The following XPR1 variants were observed in gnomAD, a reference collection of about 807,000 sequenced individuals.
XPR1 encodes the protein solute carrier family 53 member 1.
A neutral mutation model predicts 87.5 loss-of-function variants in XPR1; 28 were observed. The ratio of observed to expected loss-of-function variants is 0.32; its 90% CI spans 0.24 to 0.44. The LOEUF is 0.44. XPR1 is among the 20% of genes least tolerant of loss of function. XPR1 has a pLI of 1.00. For synonymous variants in XPR1, 300 were observed against 306.1 expected, an observed-to-expected ratio of 0.98 and a Z score of 0.21; for missense variants, 559 against 862.3, an observed-to-expected ratio of 0.65 and a Z score of 4.41.
intron 3 of XPR1, among the ~76,000 whole-genome samples, chr1:180,793,970 A>G (rs978136044): frequency 1.3e-5 from 2 of 152,148 alleles, no homozygotes; most frequent in East Asian, 3.8e-4. Context: ...TCCAAATGGC[A>G]TCTTCACAAA....
At chr1:180,883,830 C>A (rs1284079010) in intron 14 of XPR1, among the ~76,000 whole-genome samples, 176 bp from the exon 15 acceptor site, 1 of 151,934 alleles carries the variant, frequency 6.6e-6, no homozygotes, top group Admixed American at 6.6e-5. Context: ...TAGTGTTTTT[C>A]CAATAGTATC....
chr1:180,737,708 T>C (rs1419651632), intron 2 of XPR1, among the ~76,000 whole-genome samples: 1 of 152,242 alleles, frequency 6.6e-6, no homozygotes, highest in Non-Finnish European at 1.5e-5. Flanking sequence ...AATAATACAG[T>C]ATGTAATGTT....
At chr1:180,648,344 GTC>G (rs1463893506) in intron 1 of XPR1, among the ~76,000 whole-genome samples, 1 of 152,204 alleles carries the variant, frequency 6.6e-6, no homozygotes, top group African/African-American at 2.4e-5. Context: ...CTATGTGAGA[GTC>G]TCTCATTTCT....
Position 180,826,899 on chromosome 1 carries a change from G to A in XPR1, c.1134+1555G>A, listed in dbSNP as rs139216013. 5.3e-5 allele frequency among the ~76,000 whole-genome samples: 8 copies of A among 151,658 alleles called. No homozygotes were observed. The East Asian group carries it at 7.8e-4, about 15-fold the overall frequency. ...CCAGGTGCAGTGGCTCACGCCTGTC[G>A]TCCCAGCACTTTGGGAGGCCGAGGT... On this transcript the variant is annotated intron_variant, in intron 9 of 14. Coordinates refer to ENST00000367590, the MANE Select transcript of XPR1 (RefSeq NM_004736.4).
chr1:180,874,682 C>G (rs936946731), intron 13 of XPR1, among the ~76,000 whole-genome samples: 5 of 151,692 alleles, frequency 3.3e-5, no homozygotes, highest in Admixed American at 6.6e-5. Context: ...AAGAGCAAAA[C>G]TCCGTCTCAA....
intron 3 of XPR1, among the ~76,000 whole-genome samples, chr1:180,798,602 G>T (rs1233749991): frequency 6.6e-6 from 1 of 151,942 alleles, no homozygotes; most frequent in Non-Finnish European, 1.5e-5. Flanking sequence ...TTTATTAATT[G>T]CTGTAGGGTT....
At chr1:180,686,841 A>C (rs896277538) in intron 2 of XPR1, among the ~76,000 whole-genome samples, 2 of 152,168 alleles carry the variant, frequency 1.3e-5, no homozygotes, top group African/African-American at 4.8e-5. Context: ...TCAATTATAT[A>C]AAAATATCCA....
intron 12 of XPR1, among the ~76,000 whole-genome samples, chr1:180,867,251 T>C (rs900989943): frequency 3.6e-5 from 3 of 84,026 alleles, no homozygotes; most frequent in Non-Finnish European, 7.2e-5. Flanking sequence ...TTTGCTATTG[T>C]GAATAGTGCC....
At chr1:180,807,872 C>T (rs1364316475) in intron 6 of XPR1, among the ~76,000 whole-genome samples, 1 of 152,086 alleles carries the variant, frequency 6.6e-6, no homozygotes, top group Non-Finnish European at 1.5e-5. Context: ...GGCTTCGTGG[C>T]ACATGCCTGT....
At chr1:180,760,074 T>C (rs548231639) in intron 2 of XPR1, among the ~76,000 whole-genome samples, 82 of 152,290 alleles carry the variant, frequency 5.4e-4, no homozygotes, top group African/African-American at 1.9e-3. Flanking sequence ...CCCTTCATGC[T>C]AAAAACGCTC....
At chr1:180,668,233 A>T (rs907527656) in intron 1 of XPR1, among the ~76,000 whole-genome samples, 7 of 144,188 alleles carry the variant, frequency 4.9e-5, no homozygotes, top group South Asian at 2.1e-4. Flanking sequence ...GGCTCAAGTG[A>T]TTCACCTGCC....
chr1:180,737,576 C>G (rs1658769164), intron 2 of XPR1, among the ~76,000 whole-genome samples: 1 of 152,206 alleles, frequency 6.6e-6, no homozygotes, highest in Non-Finnish European at 1.5e-5. Flanking sequence ...TTCCATCAGT[C>G]TAAAACATTC....
intron 11 of XPR1, among the ~76,000 whole-genome samples, chr1:180,860,849 A>G (rs1031514835): frequency 6.6e-6 from 1 of 152,084 alleles, no homozygotes; most frequent in Admixed American, 6.6e-5. Context: ...GAGAAACACC[A>G]GATCCATTGT....
intron 2 of XPR1, among the ~76,000 whole-genome samples, chr1:180,760,377 C>T (rs1348886594): frequency 2.6e-5 from 4 of 152,130 alleles, no homozygotes; most frequent in Admixed American, 2.6e-4. Context: ...ATTGTCTCAG[C>T]CCAAAATCTC....
At chr1:180,826,147 T>C (rs1650828379) in intron 9 of XPR1, among the ~76,000 whole-genome samples, 1 of 152,258 alleles carries the variant, frequency 6.6e-6, no homozygotes, top group South Asian at 2.1e-4. Flanking sequence ...CAAAATCATT[T>C]AGCCTCAGCA....
intron 1 of XPR1, among the ~76,000 whole-genome samples, chr1:180,679,102 G>A (rs1656468513): frequency 6.6e-6 from 1 of 152,158 alleles, no homozygotes; most frequent in Admixed American, 6.5e-5. Context: ...GGCTGAGGCA[G>A]GAGAATGGCG....
chr1:180,773,246 A>G (rs953732304), intron 2 of XPR1, among the ~76,000 whole-genome samples: 23 of 151,942 alleles, frequency 1.5e-4, no homozygotes, highest in Non-Finnish European at 2.4e-4. Flanking sequence ...ATACTTGGGG[A>G]AAAAAAATGT....
intron 11 of XPR1, among the ~76,000 whole-genome samples, chr1:180,837,613 A>G (rs1392292807): frequency 6.6e-6 from 1 of 152,196 alleles, no homozygotes; most frequent in African/African-American, 2.4e-5. Context: ...AGCAGATGAT[A>G]TTTATAATAT....
At chr1:180,712,340 G>A (rs1368186996) in intron 2 of XPR1, among the ~76,000 whole-genome samples, 3 of 152,190 alleles carry the variant, frequency 2.0e-5, no homozygotes, top group Non-Finnish European at 4.4e-5. Flanking sequence ...CTCATCCCAG[G>A]CAAAATGGAG....
Sources: allele counts gnomAD v4.1 joint callset (sites outside exome capture counted in the v4.1 genomes callset), GRCh38; gene constraint gnomAD v4.1.1; transcripts MANE v1.5; gene names NCBI Gene and HGNC (gene_info 2026-07-23, HGNC 2026-07-21).